Variants in ADCY3 observed in about 807,000 individuals in gnomAD.
ADCY3 encodes adenylate cyclase type 3.
ADCY3 carries 70 observed loss-of-function variants against 119.4 expected under a neutral mutation model. The ratio of observed to expected loss-of-function variants is 0.59; its 90% CI spans 0.48 to 0.72. The LOEUF is 0.72. Among genes scored for constraint, ADCY3 ranks in the 30% least tolerant of loss-of-function variants. The pLI is 0.00. For missense variants in ADCY3, 1,238 were observed against 1,541.6 expected (o/e 0.80, Z 3.30); for synonymous variants, 672 against 621.4 (o/e 1.08, Z -1.21).
At chr2:24,911,475 T>C (rs13003430) in intron 2 of ADCY3, among the ~76,000 whole-genome samples, 78,568 of 150,736 alleles carry the variant, frequency 0.52, 22,611 homozygotes, top group African/African-American at 0.78. Context: ...GGTGAAAACC[T>C]GTCTCTACTA....
intron 2 of ADCY3, among the ~76,000 whole-genome samples, chr2:24,895,563 T>C (rs1291043973): frequency 6.6e-6 from 1 of 152,186 alleles, no homozygotes; most frequent in Non-Finnish European, 1.5e-5. Context: ...TCTGTTATAT[T>C]GTCCCACATG....
At chr2:24,853,254 C>T (rs572034428) in intron 3 of ADCY3, among the ~76,000 whole-genome samples, 36 of 152,202 alleles carry the variant, frequency 2.4e-4, no homozygotes, top group East Asian at 9.7e-4. Flanking sequence ...CAGGACACGA[C>T]GTATGGCGAC....
intron 2 of ADCY3, among the ~76,000 whole-genome samples, chr2:24,893,717 C>T (rs1278008750): frequency 6.6e-6 from 1 of 152,090 alleles, no homozygotes; most frequent in Non-Finnish European, 1.5e-5. Context: ...AAATGATCCT[C>T]CCATCTCAGC....
At chr2:24,851,347 T>C (rs1672267907) in intron 3 of ADCY3, among the ~76,000 whole-genome samples, 1 of 152,196 alleles carries the variant, frequency 6.6e-6, no homozygotes. Context: ...GTAGCTCTCA[T>C]GAACCCAGCA....
At chr2:24,907,786 G>T (rs1225571705) in intron 2 of ADCY3, among the ~76,000 whole-genome samples, 1 of 152,088 alleles carries the variant, frequency 6.6e-6, no homozygotes, top group Non-Finnish European at 1.5e-5. Context: ...CTTGAGTTCA[G>T]GAGTTGGAGA....
At chr2:24,904,923 G>T (rs577168302) in intron 2 of ADCY3, among the ~76,000 whole-genome samples, 19 of 152,144 alleles carry the variant, frequency 1.2e-4, no homozygotes, top group African/African-American at 4.3e-4. Context: ...TTACAGATGT[G>T]AGCCAATGCG....
chr2:24,827,866 G>A, intron 14 of ADCY3, 36 bp downstream of exon 14: 2 of 1,609,974 alleles, frequency 1.2e-6, no homozygotes, highest in Non-Finnish European at 1.7e-6. Flanking sequence ...CGGGAGGAAG[G>A]AGACAATACA....
rs752477523 is a variant in ADCY3 at position 24,838,618 on chromosome 2, C to T, written c.1360G>A (p.Val454Met). Reference protein sequence around the residue: ...KMEAGGIPGRVHISQSTMDCL... With the variant: ...KMEAGGIPGRMHISQSTMDCL... ...TCCATGGTGCTCTGGGAGATGTGCA[C>T]GCGCCTGGATTGCAGAGAGAGAGGC... Residue 454 changes from valine (V) to methionine (M), a missense_variant, in exon 8 of 22, where the codon GTG becomes ATG. Coordinates refer to ENST00000679454, the MANE Select transcript of ADCY3 (RefSeq NM_004036.5). 3.1e-6 allele frequency: 5 copies of T among 1,613,814 alleles called. No individual in the cohort carries two copies. Among genetic ancestry groups the T allele is most frequent in the South Asian group, 1.1e-5 (1 of 91,066 alleles).
rs1040932006 is a variant in ADCY3, at chr2:24,852,163, C to T, written c.826-9779G>A. On this transcript the variant is annotated intron_variant, in intron 3 of 21. Transcript: ENST00000679454. ...GGCGTGGGAATCAGGCAGCCCCTTCCGGTGGGTCCTTCCTCACAGAAACGG... is the reference window on the plus strand; with the variant it reads ...GGCGTGGGAATCAGGCAGCCCCTTCTGGTGGGTCCTTCCTCACAGAAACGG... Among the ~76,000 whole-genome samples, 7 of 152,276 alleles carry T rather than the reference C, an allele frequency of 4.6e-5. No homozygotes were observed. In the East Asian group the frequency reaches 9.7e-4, roughly 21 times the overall value.
intron 15 of ADCY3, chr2:24,826,812 GAC>G (rs2148418739): frequency 6.6e-6 from 1 of 152,558 alleles, no homozygotes; most frequent in Non-Finnish European, 1.5e-5. Context: ...GAATTGCTGG[GAC>G]ACAGGTTTAT....
chr2:24,830,833 G>C lies in ADCY3; in HGVS notation c.2056-8C>G. 6.2e-7 allele frequency: 1 copy of C among 1,608,294 alleles called. No homozygotes were observed. The highest frequency in any genetic ancestry group is 8.5e-7 in the Non-Finnish European group (1 of 1,175,514). ...AAGCTTCTTAGGAAAGGCCTAGAAG[G>C]AACAGAATTTCAAGGGCCATGAGCC... On this transcript the variant is annotated splice_polypyrimidine_tract_variant and splice_region_variant and intron_variant, in intron 12 of 21. Transcript: ENST00000679454.
intron 15 of ADCY3, among the ~76,000 whole-genome samples, chr2:24,827,118 G>A (rs1375430749): frequency 6.6e-6 from 1 of 152,074 alleles, no homozygotes; most frequent in African/African-American, 2.4e-5. Context: ...TCAAGTCATG[G>A]AATCATAAAA....
At chr2:24,838,076 C>T (rs1022899323) in intron 8 of ADCY3, among the ~76,000 whole-genome samples, 17 of 148,552 alleles carry the variant, frequency 1.1e-4, no homozygotes, top group Middle Eastern at 3.4e-3. Flanking sequence ...ACCCTCCTCT[C>T]TGAGCCTCTC....
chr2:24,918,200 G>T lies in ADCY3; in HGVS notation c.675+113C>A. ...AGGGAGAGAGGTGAGAGCCCCGGAG[G>T]CCCCCAGGACACATTTTGACTCAAA... On this transcript the variant is annotated intron_variant, in intron 2 of 21. Coordinates refer to ENST00000679454, the MANE Select transcript of ADCY3 (RefSeq NM_004036.5). This position sits in a 1 kb window ranked among gnomAD's most constrained non-coding sequence, Gnocchi z 5.4. 8.4e-7 allele frequency: 1 copy of T among 1,189,062 alleles called. No homozygotes were observed. The allele number at this position is 1,189,062 out of a possible 1,614,324, so 73.7% of individuals were successfully genotyped here.
intron 2 of ADCY3, among the ~76,000 whole-genome samples, chr2:24,885,939 T>C (rs1393011074): frequency 6.6e-6 from 1 of 152,198 alleles, no homozygotes; most frequent in Non-Finnish European, 1.5e-5. Context: ...CCTCGGCACA[T>C]GCTGTAGCCC....
At position 24,823,491 on chromosome 2, in the gene ADCY3, C is replaced by CT. The variant is rs1668101542; in HGVS notation, c.2737-137_2737-136insA. 5.3e-5 allele frequency: 41 copies of CT among 780,952 alleles called. No homozygotes were observed. In the African/African-American group the frequency reaches 6.4e-4, roughly 12 times the overall value. The allele number at this position is 780,952 out of a possible 1,614,324, so 48.4% of individuals were successfully genotyped here. The stretch of plus-strand genomic sequence containing the variant: ...TCACACATCAGTCAGATTATTCCAG[C>CT]ATTTTTTTTTTTTTTTTTAAGAGTG... On this transcript the variant is annotated intron_variant, in intron 17 of 21. Coordinates refer to ENST00000679454, the MANE Select transcript of ADCY3 (RefSeq NM_004036.5).
chr2:24,909,196 C>A (rs1018397419), intron 2 of ADCY3, among the ~76,000 whole-genome samples: 5 of 152,184 alleles, frequency 3.3e-5, no homozygotes, highest in African/African-American at 9.7e-5. Flanking sequence ...TGGTGGGTGG[C>A]CCTCATGGTG....
intron 19 of ADCY3, 141 bp downstream of exon 19, chr2:24,822,370 A>G: frequency 8.3e-7 from 1 of 1,208,398 alleles, no homozygotes; most frequent in Admixed American, 2.3e-5. Context: ...CCTATTTCTT[A>G]TTTATATTTA....
At position 24,822,367 on chromosome 2, in the gene ADCY3, CTTA is replaced by C. The variant is rs1667901820; in HGVS notation, c.3003+141_3003+143del. The stretch of plus-strand genomic sequence containing the variant: ...CGAACTTTCTCAATAAACCCTATTT[CTTA>C]TTTATATTTACGTGGTGCTGGTGGT... On this transcript the variant is annotated intron_variant, in intron 19 of 21. Transcript: ENST00000679454. The C allele has an allele frequency of 2.5e-6, 3 of 1,195,060 alleles. No individual in the cohort carries two copies. In the African/African-American group the frequency reaches 4.6e-5, roughly 18 times the overall value. The allele number at this position is 1,195,060 out of a possible 1,614,324, so 74.0% of individuals were successfully genotyped here. A position where few individuals can be genotyped will look rare whatever the true frequency, so the allele number is the denominator to read the frequency against.
Sources: allele counts gnomAD v4.1 joint callset (sites outside exome capture counted in the v4.1 genomes callset), GRCh38; gene constraint gnomAD v4.1.1; non-coding constraint Gnocchi (gnomAD v3.1); transcripts MANE v1.5; gene names NCBI Gene and HGNC (gene_info 2026-07-23, HGNC 2026-07-21).